Variants in TENM2 observed in about 807,000 individuals in gnomAD.
The protein encoded by TENM2 is teneurin transmembrane protein 2.
TENM2 carries 52 observed loss-of-function variants against 245.2 expected under a neutral mutation model. That is an observed-to-expected ratio of 0.21 (90% CI 0.17 to 0.27). The LOEUF is 0.27. Among genes scored for constraint, TENM2 ranks in the 10% least tolerant of loss-of-function variants. TENM2 has a pLI of 1.00. For missense variants in TENM2, 3,046 were observed against 3,666.8 expected (o/e 0.83, Z 4.37); for synonymous variants, 1,363 against 1,438.9 (o/e 0.95, Z 1.19).
At chr5:167,320,659 C>A (rs1297648749) in intron 1 of TENM2, among the ~76,000 whole-genome samples, 1 of 152,132 alleles carries the variant, frequency 6.6e-6, no homozygotes, top group Non-Finnish European at 1.5e-5. Flanking sequence ...GAGTTGAGCC[C>A]TTTCATGCTC....
intron 2 of TENM2, among the ~76,000 whole-genome samples, chr5:167,453,452 T>C (rs574764157): frequency 1.6e-4 from 25 of 152,292 alleles, no homozygotes; most frequent in African/African-American, 5.8e-4. Context: ...AGACATCACA[T>C]TGTGAACATC....
chr5:167,616,144 A>G (rs2127759990), intron 2 of TENM2, among the ~76,000 whole-genome samples: 1 of 152,260 alleles, frequency 6.6e-6, no homozygotes, highest in South Asian at 2.1e-4. Flanking sequence ...GTTAGCATCA[A>G]TTTGTAGGGT....
At chr5:167,458,687 A>G (rs1026191731) in intron 2 of TENM2, among the ~76,000 whole-genome samples, 2 of 152,116 alleles carry the variant, frequency 1.3e-5, no homozygotes, top group African/African-American at 4.8e-5. Flanking sequence ...CACTAACAAC[A>G]TGCTTATTAT....
At chr5:167,746,981 C>A (rs1344656323) in intron 2 of TENM2, among the ~76,000 whole-genome samples, 3 of 151,970 alleles carry the variant, frequency 2.0e-5, no homozygotes, top group African/African-American at 7.3e-5. Flanking sequence ...TGTTCCCTGC[C>A]CTTCTGAAGC....
At chr5:168,094,045 G>A (rs1042357660) in intron 8 of TENM2, among the ~76,000 whole-genome samples, 2 of 138,586 alleles carry the variant, frequency 1.4e-5, no homozygotes, top group African/African-American at 2.6e-5. Context: ...ACACACATAA[G>A]CACACTTCAG....
intron 2 of TENM2, among the ~76,000 whole-genome samples, chr5:167,707,872 G>A (rs1168410275): frequency 6.6e-6 from 1 of 152,144 alleles, no homozygotes; most frequent in African/African-American, 2.4e-5. Context: ...ACTTAGTAGA[G>A]ACTCTCCATC....
Position 167,745,274 on chromosome 5 carries a change from A to G in TENM2, c.503-130712A>G, listed in dbSNP as rs183307105. On this transcript the variant is annotated intron_variant, in intron 2 of 28. Coordinates refer to ENST00000518659, the Ensembl canonical transcript of TENM2. The stretch of plus-strand genomic sequence containing the variant: ...ATTTCTGCGGACATTGGCTGCTCCA[A>G]CCATCCTCTATAATTCTGGCTTGTT... Among the ~76,000 whole-genome samples, 323 of 152,332 alleles carry G rather than the reference A, an allele frequency of 2.1e-3. 2 individuals are homozygous for G. Among genetic ancestry groups the G allele is most frequent in the African/African-American group, 7.5e-3 (313 of 41,584 alleles).
chr5:167,533,701 C>A (rs886146822), intron 2 of TENM2, among the ~76,000 whole-genome samples: 3 of 152,088 alleles, frequency 2.0e-5, no homozygotes, highest in Non-Finnish European at 4.4e-5. Context: ...CTGAAGAAAT[C>A]CTACCACTTC....
chr5:167,929,605 T>A lies in TENM2; in HGVS notation c.713-22983T>A, dbSNP rs1335083140. Among the ~76,000 whole-genome samples the A allele has an allele frequency of 2.0e-5, 3 of 152,188 alleles. No homozygotes were observed. In the East Asian group the frequency reaches 5.8e-4, roughly 29 times the overall value. ...CAATCAGGCTCAGGCATACAATAGA[T>A]GCTTCATAAGTGGCTGTTGAATTTA... On this transcript the variant is annotated intron_variant, in intron 3 of 28. Transcript: ENST00000518659.
intron 2 of TENM2, among the ~76,000 whole-genome samples, chr5:167,610,304 G>C (rs142603086): frequency 6.6e-6 from 1 of 152,058 alleles, no homozygotes; most frequent in Non-Finnish European, 1.5e-5. Flanking sequence ...GTCCTTCTGA[G>C]TTTTGTTGGA....
the TENM2 span, among the ~76,000 whole-genome samples, chr5:167,244,312 A>C: frequency 2.0e-5 from 3 of 152,194 alleles, no homozygotes; most frequent in Non-Finnish European, 2.9e-5. Context: ...TGGAAAAAAC[A>C]ATGTTTCTAT....
intron 2 of TENM2, among the ~76,000 whole-genome samples, chr5:167,768,435 A>G (rs1397969744): frequency 6.6e-6 from 1 of 152,214 alleles, no homozygotes; most frequent in African/African-American, 2.4e-5. Flanking sequence ...AACGTTTGTT[A>G]TGTGCAAACA....
intron 2 of TENM2, among the ~76,000 whole-genome samples, chr5:167,453,528 G>A (rs1286475734): frequency 1.3e-5 from 2 of 152,142 alleles, no homozygotes; most frequent in Non-Finnish European, 2.9e-5. Context: ...CACTGGTTGT[G>A]TGACTTTGGA....
At chr5:167,086,854 C>T in the TENM2 span, among the ~76,000 whole-genome samples, 2 of 151,810 alleles carry the variant, frequency 1.3e-5, no homozygotes, top group South Asian at 4.2e-4. Context: ...TTATCAGGGA[C>T]TATAAAGCTT....
chr5:168,200,176 T>C, intron 17 of TENM2, 45 bp downstream of exon 19: 1 of 1,564,780 alleles, frequency 6.4e-7, no homozygotes, highest in Non-Finnish European at 8.7e-7. Context: ...GATTTAGTCA[T>C]GTGTTAATTC....
At chr5:167,177,029 C>T in the TENM2 span, among the ~76,000 whole-genome samples, 8 of 152,102 alleles carry the variant, frequency 5.3e-5, no homozygotes, top group African/African-American at 1.9e-4. Flanking sequence ...GGGTGTTGAC[C>T]TATGGCAGCT....
intron 2 of TENM2, among the ~76,000 whole-genome samples, chr5:167,413,626 T>C (rs1037616629): frequency 6.6e-6 from 1 of 152,108 alleles, no homozygotes; most frequent in African/African-American, 2.4e-5. Context: ...TCCGTTTCCT[T>C]CTGAGCAGAG....
intron 2 of TENM2, among the ~76,000 whole-genome samples, chr5:167,482,669 A>C (rs191264821): frequency 6.6e-6 from 1 of 152,198 alleles, no homozygotes; most frequent in African/African-American, 2.4e-5. Context: ...CTAATCGTAC[A>C]GCAGTATTTA....
intron 25 of TENM2, chr5:168,229,680 G>GTAAC: frequency 6.6e-6 from 1 of 152,282 alleles, no homozygotes; most frequent in East Asian, 1.9e-4. Context: ...TTTTTGCTGT[G>GTAAC]TAACTGGATT....
Sources: gnomAD v4.1 joint callset for allele counts (sites outside exome capture counted in the v4.1 genomes callset) on GRCh38, gnomAD v4.1.1 for gene constraint, MANE v1.5 for transcripts, NCBI Gene and HGNC (gene_info 2026-07-23, HGNC 2026-07-21) for gene names.